Variants in CEP72 observed in about 807,000 individuals in gnomAD.
The protein encoded by CEP72 is centrosomal protein of 72 kDa.
CEP72 carries 78 observed loss-of-function variants against 65.7 expected under a neutral mutation model. The observed-to-expected ratio is 1.19, with a 90% confidence interval of 0.99 to 1.43. The LOEUF (loss-of-function observed/expected upper bound fraction) is 1.43. Ranked by LOEUF, CEP72 falls within the 40% of genes most tolerant of loss-of-function variation. The pLI is 0.00. For synonymous variants in CEP72, 358 were observed against 351.7 expected (o/e 1.02, Z -0.20); for missense variants, 914 against 832.9 (o/e 1.10, Z -1.20).
At chr5:641,344 G>C in intron 9 of CEP72, 3 of 985,422 alleles carry the variant, frequency 3.0e-6, no homozygotes, top group Non-Finnish European at 3.6e-6. Flanking sequence ...CTGGTGTGAG[G>C]GCAGAGCCAC....
chr5:633,009 C>A (rs1198718001), intron 4 of CEP72, among the ~76,000 whole-genome samples: 32 of 47,428 alleles, frequency 6.7e-4, no homozygotes, highest in African/African-American at 1.8e-3. Flanking sequence ...CGGGATTTGG[C>A]CCAGTCCTGG....
Position 650,003 on chromosome 5 carries a change from C to T in CEP72, c.1778+2087C>T, listed in dbSNP as rs866014371. ...TGACTGTGAGGCGTGGACTGTGAGGCGTGGACTGTGAGGTGTGACTGTGAG... is the reference window on the plus strand; with the variant it reads ...TGACTGTGAGGCGTGGACTGTGAGGTGTGGACTGTGAGGTGTGACTGTGAG... On this transcript the variant is annotated intron_variant, in intron 11 of 11. Transcript: ENST00000264935. Among the ~76,000 whole-genome samples the T allele has an allele frequency of 2.0e-4, 15 of 73,522 alleles. No individual in the cohort carries two copies. The South Asian group carries it at 4.2e-3, about 21-fold the overall frequency. 48.2% of individuals were successfully genotyped at this position (73,522 alleles called of 152,430 possible).
intron 9 of CEP72, chr5:641,257 C>T (rs1056962437): frequency 3.1e-5 from 31 of 985,304 alleles, no homozygotes; most frequent in Non-Finnish European, 3.6e-5. Flanking sequence ...GGCCTCCCCA[C>T]GGGCTGCTGG....
Position 633,960 on chromosome 5 carries a change from T to C in CEP72, c.691+13T>C, listed in dbSNP as rs1173601135. The stretch of plus-strand genomic sequence containing the variant: ...CGTGGTTCCCAAGGTGCGCTGCTCA[T>C]CTGCCAGGAGGCCAGTGGGTCCGCT... On this transcript the variant is annotated intron_variant, in intron 5 of 11. Transcript: ENST00000264935. 1 of 1,609,244 alleles carries C rather than the reference T, an allele frequency of 6.2e-7. No homozygotes were observed. The highest frequency in any genetic ancestry group is 1.7e-5 in the Admixed American group (1 of 60,010).
At chr5:673,952 C>T in the CEP72 span, among the ~76,000 whole-genome samples, 4 of 152,232 alleles carry the variant, frequency 2.6e-5, no homozygotes, top group Admixed American at 1.3e-4. Flanking sequence ...CGTGTGTGTG[C>T]ACATGCGGCC....
At chr5:655,136 G>T (rs1177018677), downstream of CEP72, among the ~76,000 whole-genome samples, 2 of 152,128 alleles carry the variant, frequency 1.3e-5, no homozygotes, top group Non-Finnish European at 2.9e-5. The surrounding 1 kb of genome is among the most constrained non-coding windows in gnomAD (Gnocchi z 5.0). Context: ...TGAGGCAGGA[G>T]GATCACTTGA....
At chr5:616,727 C>T (rs576878379) in intron 1 of CEP72, among the ~76,000 whole-genome samples, 1 of 152,004 alleles carries the variant, frequency 6.6e-6, no homozygotes, top group African/African-American at 2.4e-5. Flanking sequence ...CTAGCCAGGC[C>T]GGGACAGCAG....
At chr5:620,995 G>A (rs1736354353) in intron 3 of CEP72, among the ~76,000 whole-genome samples, 1 of 152,182 alleles carries the variant, frequency 6.6e-6, no homozygotes, top group African/African-American at 2.4e-5. Flanking sequence ...CTCAGCCCAG[G>A]GGCACACTGA....
chr5:665,458 C>T (rs976450051), intron 3 of CEP72: 3 of 700,990 alleles, frequency 4.3e-6, no homozygotes, highest in Non-Finnish European at 7.0e-6. Context: ...TTTACCTCTC[C>T]TGACCCTGGG....
rs140380084 is a variant in CEP72, at chr5:643,522, G to A, written c.1540-777G>A. 1,023 of 985,414 alleles carry A rather than the reference G, an allele frequency of 1.0e-3. 25 individuals carry two copies. The East Asian group carries it at 0.079, about 77-fold the overall frequency. The allele number at this position is 985,414 out of a possible 1,614,324, so 61.0% of individuals were successfully genotyped here. A position where few individuals can be genotyped will look rare whatever the true frequency, so the allele number is the denominator to read the frequency against. On this transcript the variant is annotated intron_variant, in intron 9 of 11. Coordinates refer to ENST00000264935, the MANE Select transcript of CEP72 (RefSeq NM_018140.4). The stretch of plus-strand genomic sequence containing the variant: ...CTGTCGGCGGGTGGGCTCACTGAGC[G>A]GAGAAGGATGAAGCGGCGATACCCC...
chr5:618,793 G>T (rs1345315081), intron 1 of CEP72, among the ~76,000 whole-genome samples, 197 bp from the exon 2 acceptor site: 10 of 152,128 alleles, frequency 6.6e-5, no homozygotes, highest in Admixed American at 6.5e-4. Flanking sequence ...TGAGGGTGGG[G>T]GTTTTGGCCG....
intron 3 of CEP72, among the ~76,000 whole-genome samples, chr5:665,700 C>A (rs1739871645): frequency 7.3e-6 from 1 of 137,042 alleles, no homozygotes; most frequent in Admixed American, 7.1e-5. Flanking sequence ...CCACCCACCC[C>A]CTCCCAGGCC....
At chr5:615,420 C>T (rs150165924) in intron 1 of CEP72, among the ~76,000 whole-genome samples, 104 of 152,260 alleles carry the variant, frequency 6.8e-4, no homozygotes, top group African/African-American at 2.3e-3. Context: ...GTGTGAGCCA[C>T]GGTGCCTGGG....
chr5:632,105 G>C (rs1737232850), intron 4 of CEP72, among the ~76,000 whole-genome samples: 1 of 59,964 alleles, frequency 1.7e-5, no homozygotes, highest in Admixed American at 1.7e-4. Context: ...CCAGTGCCGG[G>C]ATTTAGACCA....
chr5:656,063 T>C (rs775957714), downstream of CEP72, among the ~76,000 whole-genome samples: 3 of 152,224 alleles, frequency 2.0e-5, no homozygotes, highest in Non-Finnish European at 2.9e-5. Context: ...ATTTTAGATA[T>C]AGATTCTACC....
At chr5:675,502 GCT>G in the CEP72 span, among the ~76,000 whole-genome samples, 1 of 144,980 alleles carries the variant, frequency 6.9e-6, no homozygotes, top group Non-Finnish European at 1.5e-5. Context: ...TGTGGCCGGG[GCT>G]GCAGTGTGAC....
At chr5:628,893 C>CCAGGGAG (rs1322477445) in intron 4 of CEP72, among the ~76,000 whole-genome samples, 4 of 119,964 alleles carry the variant, frequency 3.3e-5, no homozygotes, top group African/African-American at 1.4e-4. Context: ...GTTGCCGTCC[C>CCAGGGAG]TGGGGAGTGG....
intron 11 of CEP72, among the ~76,000 whole-genome samples, chr5:648,194 G>A (rs57790826): frequency 2.8e-3 from 424 of 150,902 alleles, no homozygotes; most frequent in African/African-American, 0.01. Context: ...GTGTGACCAC[G>A]AGGCATGGAC....
At chr5:675,566 TG>T in the CEP72 span, among the ~76,000 whole-genome samples, 6 of 22,528 alleles carry the variant, frequency 2.7e-4, no homozygotes, top group Non-Finnish European at 3.7e-4. Flanking sequence ...GCAGTGTGGC[TG>T]GGGGTGCGGT....
Sources: gnomAD v4.1 joint callset for allele counts (sites outside exome capture counted in the v4.1 genomes callset) on GRCh38, gnomAD v4.1.1 for gene constraint, Gnocchi (gnomAD v3.1) non-coding constraint, MANE v1.5 for transcripts, NCBI Gene and HGNC (gene_info 2026-07-23, HGNC 2026-07-21) for gene names.